The following CIT variants were observed in gnomAD, a reference collection of about 807,000 sequenced individuals.
CIT encodes citron Rho-interacting kinase.
A neutral mutation model predicts 272.7 loss-of-function variants in CIT; 79 were observed. That is an observed-to-expected ratio of 0.29 (90% CI 0.24 to 0.35). The LOEUF (loss-of-function observed/expected upper bound fraction) is 0.35, where lower values mean the gene tolerates loss of function less well. Ranked by LOEUF, CIT falls within the 10% of genes least tolerant of loss-of-function variation. CIT has a pLI of 1.00. For missense variants in CIT, 1,909 were observed against 2,618.3 expected (o/e 0.73, Z 5.91); for synonymous variants, 948 against 995.6 (o/e 0.95, Z 0.90).
Position 119,850,173 on chromosome 12 carries a change from C to G in CIT, c.516+1G>C. ...CCAGAGAGACAGATGTAAAGACTCA[C>G]CAGATAAAGGTGATTTTTGTCCTGA... On this transcript the variant is annotated splice_donor_variant, in intron 5 of 47. Coordinates refer to ENST00000392521, the MANE Select transcript of CIT (RefSeq NM_001206999.2). LOFTEE classifies it high-confidence loss of function. 6.3e-7 allele frequency: 1 copy of G among 1,576,988 alleles called. No homozygotes were observed. Among genetic ancestry groups the G allele is most frequent in the Non-Finnish European group, 8.7e-7 (1 of 1,146,488 alleles).
At chr12:119,786,320 A>T (rs77370729) in intron 10 of CIT, among the ~76,000 whole-genome samples, 2,221 of 152,254 alleles carry the variant, frequency 0.015, 43 homozygotes, top group African/African-American at 0.05. Flanking sequence ...GAGTGGACCA[A>T]AAGGATGCTC....
Position 119,821,547 on chromosome 12 carries a change from AT to A in CIT, c.1111+1272del, listed in dbSNP as rs1210293208. Reference sequence around the variant, plus strand: ...GGACTACTTTAACTCTACTCAGGTAATCACCATTCACTGACTTACTTAAGTG... The same window carrying A: ...GGACTACTTTAACTCTACTCAGGTAACACCATTCACTGACTTACTTAAGTG... On this transcript the variant is annotated intron_variant, in intron 9 of 47. Coordinates refer to ENST00000392521, the MANE Select transcript of CIT (RefSeq NM_001206999.2). Among the ~76,000 whole-genome samples, 9 of 152,314 alleles carry A rather than the reference AT, an allele frequency of 5.9e-5. No individual in the cohort carries two copies. In the East Asian group the frequency reaches 1.5e-3, roughly 26 times the overall value.
intron 4 of CIT, among the ~76,000 whole-genome samples, chr12:119,850,866 C>T (rs1415408179): frequency 6.6e-6 from 1 of 152,136 alleles, no homozygotes; most frequent in Non-Finnish European, 1.5e-5. Context: ...AAGACATCCA[C>T]GTGAAAGGGC....
chr12:119,746,114 C>A (rs1025051476), intron 23 of CIT, among the ~76,000 whole-genome samples: 12 of 152,170 alleles, frequency 7.9e-5, no homozygotes, highest in African/African-American at 2.9e-4. Context: ...ACACAACCCC[C>A]TTTAGTGTCT....
chr12:119,812,968 G>C (rs1966867534), intron 9 of CIT, among the ~76,000 whole-genome samples: 1 of 152,132 alleles, frequency 6.6e-6, no homozygotes, highest in Admixed American at 6.5e-5. Context: ...TACTGCCTAG[G>C]CACAGGCATA....
rs537896642 is a variant in CIT, at chr12:119,704,166, A to G, written c.5304+197T>C. Among the ~76,000 whole-genome samples, 6 of 152,284 alleles carry G rather than the reference A, an allele frequency of 3.9e-5. No homozygotes were observed. The East Asian group carries it at 7.7e-4, about 20-fold the overall frequency. ...AGAAGAAAAGCAGGAGGGAAACCGC[A>G]GCTACTAGTGGCCCTGGGGAATCCT... is the stretch of plus-strand genomic sequence containing the variant. On this transcript the variant is annotated intron_variant, in intron 41 of 47. Transcript: ENST00000392521.
At position 119,783,857 on chromosome 12, in the gene CIT, C is replaced by T. The variant is rs1964526218; in HGVS notation, c.1545+51G>A. 4 of 1,530,020 alleles carry T rather than the reference C, an allele frequency of 2.6e-6. No individual in the cohort carries two copies. In the Admixed American group the frequency reaches 6.4e-5, roughly 25 times the overall value. The allele number at this position is 1,530,020 out of a possible 1,614,324, so 94.8% of individuals were successfully genotyped here. A position where few individuals can be genotyped will look rare whatever the true frequency, so the allele number is the denominator to read the frequency against. ...CCATCATGAAACAGGATGAGACACA[C>T]ACAACAGGAAGTGCCACCTCCAAGG... is the stretch of plus-strand genomic sequence containing the variant. On this transcript the variant is annotated intron_variant, in intron 12 of 47. Coordinates refer to ENST00000392521, the MANE Select transcript of CIT (RefSeq NM_001206999.2).
intron 24 of CIT, among the ~76,000 whole-genome samples, chr12:119,740,323 G>A: frequency 6.6e-6 from 1 of 152,136 alleles, no homozygotes; most frequent in East Asian, 1.9e-4. Flanking sequence ...TAAAATGGGG[G>A]ACAAGATGAA....
intron 39 of CIT, among the ~76,000 whole-genome samples, chr12:119,709,342 G>A (rs1032682982): frequency 6.6e-6 from 1 of 151,742 alleles, no homozygotes; most frequent in Non-Finnish European, 1.5e-5. Flanking sequence ...TGACTCTAAC[G>A]AACGTATCAC....
chr12:119,764,775 G>A (rs910927059), intron 19 of CIT, among the ~76,000 whole-genome samples: 7 of 152,070 alleles, frequency 4.6e-5, no homozygotes, highest in Admixed American at 2.0e-4. Context: ...CTAAATTGGA[G>A]CTGATCTAAC....
chr12:119,785,256 C>T (rs1941595758), intron 10 of CIT, among the ~76,000 whole-genome samples, 191 bp from the exon 11 acceptor site: 1 of 152,214 alleles, frequency 6.6e-6, no homozygotes, highest in African/African-American at 2.4e-5. Flanking sequence ...TATTACCACA[C>T]ATGGCAAAAG....
intron 3 of CIT, among the ~76,000 whole-genome samples, chr12:119,865,960 T>C (rs1487232242): frequency 2.0e-5 from 3 of 151,062 alleles, no homozygotes; most frequent in Non-Finnish European, 4.4e-5. Flanking sequence ...AGCACTATAG[T>C]GAACATATGC....
In CIT at chr12:119,874,836, G is replaced by A. The variant is rs1356235576; in HGVS notation, c.96+1237C>T. On this transcript the variant is annotated intron_variant, in intron 2 of 47. Transcript: ENST00000392521. Reference sequence around the variant, plus strand: ...CGGGGGGCAGAGCCTGCAGTGAGCCGAGATCGCGCCACTGCACTCCAGCCT... The same window carrying A: ...CGGGGGGCAGAGCCTGCAGTGAGCCAAGATCGCGCCACTGCACTCCAGCCT... Among the ~76,000 whole-genome samples, 3 of 148,464 alleles carry A rather than the reference G, an allele frequency of 2.0e-5. No homozygotes were observed. In the South Asian group the frequency reaches 6.4e-4, roughly 31 times the overall value.
chr12:119,723,093 T>G (rs1766452373), intron 28 of CIT, among the ~76,000 whole-genome samples: 1 of 151,880 alleles, frequency 6.6e-6, no homozygotes, highest in African/African-American at 2.4e-5. Flanking sequence ...AAAAATCATT[T>G]GGCCCGTGTG....
intron 26 of CIT, 72 bp downstream of exon 26, chr12:119,734,092 C>A: frequency 6.7e-7 from 1 of 1,496,758 alleles, no homozygotes; most frequent in African/African-American, 1.4e-5. Flanking sequence ...AGCTGATCAC[C>A]CTGTCCACAA....
chr12:119,851,161 C>T (rs1970200157), intron 4 of CIT, among the ~76,000 whole-genome samples: 1 of 152,284 alleles, frequency 6.6e-6, no homozygotes, highest in Non-Finnish European at 1.5e-5. Flanking sequence ...TCAGGTGATC[C>T]TCTTGCCTCA....
chr12:119,861,038 T>C (rs922309960), intron 3 of CIT, among the ~76,000 whole-genome samples: 4 of 151,744 alleles, frequency 2.6e-5, no homozygotes, highest in Non-Finnish European at 5.9e-5. Context: ...TAAGAATCAC[T>C]TGAACCAGGG....
chr12:119,710,936 C>A lies in CIT; in HGVS notation c.4855-316G>T. On this transcript the variant is annotated intron_variant, in intron 37 of 47. Coordinates refer to ENST00000392521, the MANE Select transcript of CIT (RefSeq NM_001206999.2). This position sits in a 1 kb window ranked among gnomAD's most constrained non-coding sequence, Gnocchi z 5.6. ...AAATAAGCTGAAGCTAAGGAGATTTCACCTGCGCAGGGTTAATAAGACACA... is the reference window on the plus strand; with the variant it reads ...AAATAAGCTGAAGCTAAGGAGATTTAACCTGCGCAGGGTTAATAAGACACA... 7.0e-6 allele frequency: 6 copies of A among 854,554 alleles called. No individual in the cohort carries two copies. The highest frequency in any genetic ancestry group is 1.0e-5 in the Non-Finnish European group (6 of 573,174). The allele number at this position is 854,554 out of a possible 1,614,324, so 52.9% of individuals were successfully genotyped here. A position where few individuals can be genotyped will look rare whatever the true frequency, so the allele number is the denominator to read the frequency against.
intron 32 of CIT, among the ~76,000 whole-genome samples, chr12:119,716,934 T>C (rs909953616): frequency 6.6e-6 from 1 of 152,234 alleles, no homozygotes; most frequent in Non-Finnish European, 1.5e-5. Flanking sequence ...TAGGTCCTTA[T>C]GTACTAATGT....
Sources: gnomAD v4.1 joint callset for allele counts (sites outside exome capture counted in the v4.1 genomes callset) on GRCh38, gnomAD v4.1.1 for gene constraint, Gnocchi (gnomAD v3.1) non-coding constraint, MANE v1.5 for transcripts, NCBI Gene and HGNC (gene_info 2026-07-23, HGNC 2026-07-21) for gene names.